The following HTR1F variants were observed in gnomAD, a reference collection of about 807,000 sequenced individuals.
HTR1F encodes the protein 5-hydroxytryptamine (serotonin) receptor 1F, G protein-coupled.
Under a neutral mutation model 24.0 loss-of-function variants are expected in HTR1F, and 17 were observed. The observed-to-expected ratio is 0.71, with a 90% confidence interval of 0.48 to 1.06. The LOEUF (loss-of-function observed/expected upper bound fraction) is 1.06. Ranked by LOEUF, HTR1F falls within the 50% of genes least tolerant of loss-of-function variation. HTR1F has a pLI of 0.00. For synonymous variants in HTR1F, 186 were observed against 156.8 expected (o/e 1.19, Z -1.39); for missense variants, 391 against 427.8 (o/e 0.91, Z 0.76).
At chr3:87,835,043 A>C (rs1212643944) in intron 2 of HTR1F, among the ~76,000 whole-genome samples, 1 of 152,188 alleles carries the variant, frequency 6.6e-6, no homozygotes, top group Non-Finnish European at 1.5e-5. Flanking sequence ...TGTATCTGGA[A>C]TTATCGATAG....
intron 2 of HTR1F, among the ~76,000 whole-genome samples, chr3:87,844,151 A>C (rs374260536): frequency 1.6e-4 from 24 of 151,904 alleles, no homozygotes; most frequent in East Asian, 1.4e-3. Context: ...CCAACAGTGT[A>C]AAAGTGTTCT....
chr3:87,854,383 A>T (rs1705155319), intron 2 of HTR1F, among the ~76,000 whole-genome samples: 1 of 151,892 alleles, frequency 6.6e-6, no homozygotes. Flanking sequence ...ATTTTTTTCT[A>T]AATAACTGAT....
chr3:87,804,891 CT>C (rs1393630083), intron 1 of HTR1F, among the ~76,000 whole-genome samples: 1 of 151,972 alleles, frequency 6.6e-6, no homozygotes, highest in Non-Finnish European at 1.5e-5. Flanking sequence ...TTCTTTATAT[CT>C]TCTAATTTTG....
At chr3:87,932,345 A>T (rs1704298000) in intron 2 of HTR1F, among the ~76,000 whole-genome samples, 1 of 152,120 alleles carries the variant, frequency 6.6e-6, no homozygotes, top group Non-Finnish European at 1.5e-5. Context: ...GTCAAAGATC[A>T]GATAGTTGTA....
intron 2 of HTR1F, among the ~76,000 whole-genome samples, chr3:87,873,362 T>A (rs1705602155): frequency 6.6e-6 from 1 of 151,894 alleles, no homozygotes; most frequent in Admixed American, 6.6e-5. Flanking sequence ...TAAACATGAG[T>A]CAGAGTCTGA....
intron 1 of HTR1F, among the ~76,000 whole-genome samples, chr3:87,803,991 T>A (rs1194413690): frequency 6.6e-6 from 1 of 152,106 alleles, no homozygotes; most frequent in Non-Finnish European, 1.5e-5. Context: ...CACATTACAA[T>A]TCAGTCCTAT....
chr3:87,958,330 T>G (rs1704988895), intron 2 of HTR1F, among the ~76,000 whole-genome samples: 1 of 151,586 alleles, frequency 6.6e-6, no homozygotes, highest in Non-Finnish European at 1.5e-5. Context: ...TTGTTTTATT[T>G]TCTGGTCTAA....
Position 87,990,790 on chromosome 3 carries a change from AG to A in HTR1F, c.43del (p.Glu15AsnfsTer3). 1 of 1,613,790 alleles carries A rather than the reference AG, an allele frequency of 6.2e-7. No individual in the cohort carries two copies. Among genetic ancestry groups the A allele is most frequent in the Non-Finnish European group, 8.5e-7 (1 of 1,179,664 alleles). On this transcript the variant is annotated frameshift_variant, in exon 3 of 3. Transcript: ENST00000319595. LOFTEE classifies it high-confidence loss of function. ...TCATCTGATCAAAACTTGACCTCAG[AG>A]GAACTGTTAAACAGAATGCCATCCA... ...LNSSDQNLTSEELLNRMPSKI... is the reference protein window; with the variant it reads ...LNSSDQNLTSXELLNRMPSKI...
intron 2 of HTR1F, among the ~76,000 whole-genome samples, chr3:87,912,648 A>C (rs1304542343): frequency 6.6e-6 from 1 of 151,404 alleles, no homozygotes. Context: ...AAAAAAAAAA[A>C]AAAACAAAGC....
intron 2 of HTR1F, among the ~76,000 whole-genome samples, chr3:87,836,112 G>A (rs775514785): frequency 1.6e-4 from 25 of 152,196 alleles, no homozygotes; most frequent in South Asian, 4.1e-4. Flanking sequence ...TGGTGAACAT[G>A]TACCCACTTG....
chr3:87,825,461 T>C (rs1704443810), intron 2 of HTR1F, among the ~76,000 whole-genome samples: 2 of 152,190 alleles, frequency 1.3e-5, no homozygotes, highest in Admixed American at 1.3e-4. Context: ...GGTGCTTGTT[T>C]CCCCTTCTAT....
At chr3:87,834,253 A>G (rs184645510) in intron 2 of HTR1F, among the ~76,000 whole-genome samples, 1 of 152,308 alleles carries the variant, frequency 6.6e-6, no homozygotes, top group Admixed American at 6.5e-5. Context: ...TCATATATGT[A>G]TATATACACA....
chr3:87,851,386 T>TA (rs1389430326), intron 2 of HTR1F, among the ~76,000 whole-genome samples: 2 of 151,672 alleles, frequency 1.3e-5, no homozygotes, highest in African/African-American at 4.9e-5. Context: ...ACTATTTTTT[T>TA]AAACTTTCAT....
rs1008912468 is a variant in HTR1F at position 87,824,488 on chromosome 3, TTCTC to T, written c.-43+2370_-43+2373del. ...ATTCTATTTCTCTGTTAATTTATGTTTCTCTCTCTATTAGGAAAACATTTTTTTC... is the reference window on the plus strand; with the variant it reads ...ATTCTATTTCTCTGTTAATTTATGTTTCTCTATTAGGAAAACATTTTTTTC... On this transcript the variant is annotated intron_variant, in intron 2 of 2. Coordinates refer to ENST00000319595, the MANE Select transcript of HTR1F (RefSeq NM_001322209.2). 3.3e-5 allele frequency among the ~76,000 whole-genome samples: 5 copies of T among 152,356 alleles called. No individual in the cohort carries two copies. In the South Asian group the frequency reaches 6.2e-4, roughly 19 times the overall value.
chr3:87,936,872 T>C lies in HTR1F; in HGVS notation c.-42-53836T>C, dbSNP rs112743815. On this transcript the variant is annotated intron_variant, in intron 2 of 2. Coordinates refer to ENST00000319595, the MANE Select transcript of HTR1F (RefSeq NM_001322209.2). Reference sequence around the variant, plus strand: ...ACCTCTATGCACACAAACTAGAAAATCTAGAAGAGACAAAGAAATTCCTAG... The same window carrying C: ...ACCTCTATGCACACAAACTAGAAAACCTAGAAGAGACAAAGAAATTCCTAG... Among the ~76,000 whole-genome samples, 56 of 151,480 alleles carry C rather than the reference T, an allele frequency of 3.7e-4. 1 individual carries two copies. The highest frequency in any genetic ancestry group is 1.3e-3 in the African/African-American group (54 of 41,102).
intron 2 of HTR1F, among the ~76,000 whole-genome samples, chr3:87,862,714 T>C (rs1455388243): frequency 2.0e-5 from 3 of 152,182 alleles, no homozygotes; most frequent in Non-Finnish European, 4.4e-5. Context: ...ATCATTGAAA[T>C]TGTGTGTTCT....
At chr3:87,979,415 C>T (rs186483862) in intron 2 of HTR1F, among the ~76,000 whole-genome samples, 1 of 152,128 alleles carries the variant, frequency 6.6e-6, no homozygotes, top group Non-Finnish European at 1.5e-5. Context: ...AGTCCGGCAG[C>T]CACGATAGTC....
chr3:87,982,116 T>A (rs1705557352), intron 2 of HTR1F, among the ~76,000 whole-genome samples: 1 of 151,962 alleles, frequency 6.6e-6, no homozygotes. Context: ...AGAGATGGGG[T>A]TTCACCTTTT....
At chr3:87,904,241 C>A (rs1266931542) in intron 2 of HTR1F, among the ~76,000 whole-genome samples, 2 of 152,036 alleles carry the variant, frequency 1.3e-5, no homozygotes, top group Non-Finnish European at 2.9e-5. Context: ...GTGACAATGA[C>A]AAGGAAGTGG....
Sources: gnomAD v4.1 joint callset for allele counts (sites outside exome capture counted in the v4.1 genomes callset) on GRCh38, gnomAD v4.1.1 for gene constraint, MANE v1.5 for transcripts, NCBI Gene and HGNC (gene_info 2026-07-23, HGNC 2026-07-21) for gene names.